The following SCN11A variants were observed in gnomAD, a reference collection of about 807,000 sequenced individuals.
SCN11A encodes the protein sodium channel protein type 11 subunit alpha.
In SCN11A, 122 loss-of-function variants were observed where a neutral mutation model predicts 162.2. The ratio of observed to expected loss-of-function variants is 0.75; its 90% confidence interval spans 0.65 to 0.87. SCN11A has a LOEUF of 0.87. Ranked by LOEUF, SCN11A falls within the 40% of genes least tolerant of loss-of-function variation. The probability of loss-of-function intolerance (pLI) is 0.00; values close to 1 mark genes in which losing one functional copy is unlikely to be tolerated. For synonymous variants in SCN11A, 758 were observed against 751.5 expected (o/e 1.01, Z -0.14); for missense variants, 2,015 against 2,181.6 (o/e 0.92, Z 1.52).
At chr3:38,909,288 T>G (rs1456010032) in intron 12 of SCN11A, 94 bp from the exon 13 acceptor site, 3 of 1,163,406 alleles carry the variant, frequency 2.6e-6, no homozygotes, top group Non-Finnish European at 3.8e-6. Context: ...AGCAGACAAC[T>G]GGTCTTCCCC....
intron 1 of SCN11A, among the ~76,000 whole-genome samples, chr3:39,050,305 C>T (rs893093930): frequency 3.9e-5 from 6 of 152,206 alleles, no homozygotes; most frequent in African/African-American, 1.4e-4. Flanking sequence ...TCCTGTCTTA[C>T]AATCATCTTT....
intron 11 of SCN11A, among the ~76,000 whole-genome samples, chr3:38,914,874 G>A (rs887115470): frequency 1.2e-4 from 18 of 152,146 alleles, no homozygotes; most frequent in African/African-American, 4.1e-4. Context: ...GCTGGATTAG[G>A]TTTGCAAGTA....
At chr3:39,023,102 T>C (rs2031495560) in intron 2 of SCN11A, among the ~76,000 whole-genome samples, 1 of 152,214 alleles carries the variant, frequency 6.6e-6, no homozygotes, top group Admixed American at 6.5e-5. Flanking sequence ...TTAGAGATAC[T>C]GACTGGAAGA....
chr3:38,919,946 C>A lies in SCN11A; in HGVS notation c.948G>T (p.Trp316Cys). 2 of 1,612,996 alleles carry A rather than the reference C, an allele frequency of 1.2e-6. No individual in the cohort carries two copies. The highest frequency in any genetic ancestry group is 8.5e-7 in the Non-Finnish European group (1 of 1,179,126). Residue 316 changes from tryptophan (W) to cysteine (C), a missense_variant, in exon 11 of 30, where the codon TGG (tryptophan) becomes TGT (cysteine). Physicochemically the swap from Trp to Cys is radical, Grantham distance 215 (BLOSUM62 -2). Coordinates refer to ENST00000302328, the MANE Select transcript of SCN11A (RefSeq NM_001349253.2). ...NSPEFKMCGI[W>C]MGNSACSIQY... The stretch of plus-strand genomic sequence containing the variant: ...TATAAACCTCTTACCTGTTACCCAT[C>A]CAGATGCCACACATTTTGAATTCAG...
In SCN11A at chr3:38,850,499, C is replaced by T. The variant is rs149699837; in HGVS notation, c.4309G>A (p.Val1437Met). ...TACTTACTAACAATGGAAAGAAGCA[C>T]GACCACACAGTCAAATAAATTCCAG... ...NGWNLFDCVVVLLSIVSTMIS... is the reference protein window; with the variant it reads ...NGWNLFDCVVMLLSIVSTMIS... Residue 1437 changes from valine (V) to methionine (M), a missense_variant, in exon 29 of 30, where the codon GTG becomes ATG. Coordinates refer to ENST00000302328, the MANE Select transcript of SCN11A (RefSeq NM_001349253.2). 178 of 1,613,224 alleles carry T rather than the reference C, an allele frequency of 1.1e-4. No homozygotes were observed. The highest frequency in any genetic ancestry group is 2.8e-4 in the Admixed American group (17 of 59,942).
rs556962138 is a variant in SCN11A at position 38,944,685 on chromosome 3, G to A, written c.488+726C>T. On this transcript the variant is annotated intron_variant, in intron 7 of 29. Coordinates refer to ENST00000302328, the MANE Select transcript of SCN11A (RefSeq NM_001349253.2). ...AATAATAATTTAAGAATAGGGCTGC[G>A]TGCAGTGGCTCACGCCTGTAATCCC... is the stretch of plus-strand genomic sequence containing the variant. 5.3e-4 allele frequency among the ~76,000 whole-genome samples: 80 copies of A among 151,972 alleles called. 3 individuals carry two copies. The South Asian group carries it at 0.015, about 28-fold the overall frequency.
At chr3:38,907,310 ATGTGTGTGTG>A (rs141158768) in intron 14 of SCN11A, among the ~76,000 whole-genome samples, 22,245 of 118,860 alleles carry the variant, frequency 0.19, 2,240 homozygotes, top group East Asian at 0.3. Flanking sequence ...ACCAACATAT[ATGTGTGTGTG>A]TGTGTGTGTG....
intron 3 of SCN11A, among the ~76,000 whole-genome samples, chr3:38,958,082 C>T (rs900806750): frequency 6.6e-6 from 1 of 152,178 alleles, no homozygotes; most frequent in Non-Finnish European, 1.5e-5. Context: ...TTTATGAATT[C>T]GCCTGTAGTT....
At chr3:38,932,716 G>C (rs1336163892) in intron 7 of SCN11A, among the ~76,000 whole-genome samples, 4 of 152,208 alleles carry the variant, frequency 2.6e-5, no homozygotes, top group African/African-American at 4.8e-5. Context: ...CAAAGCAGCC[G>C]AGAAGCTCCA....
chr3:38,998,842 G>A (rs867694151), intron 2 of SCN11A, among the ~76,000 whole-genome samples: 20 of 147,904 alleles, frequency 1.4e-4, no homozygotes, highest in Non-Finnish European at 8.9e-5. Flanking sequence ...TCACTCATAG[G>A]TGGGAATTGA....
At chr3:39,036,872 T>C (rs1475782842) in intron 1 of SCN11A, among the ~76,000 whole-genome samples, 1 of 152,118 alleles carries the variant, frequency 6.6e-6, no homozygotes, top group East Asian at 1.9e-4. Flanking sequence ...ATACTGTTAG[T>C]GGGAATGTAA....
intron 2 of SCN11A, among the ~76,000 whole-genome samples, chr3:39,029,970 TTTG>T (rs935783256): frequency 6.6e-6 from 1 of 152,196 alleles, no homozygotes; most frequent in Non-Finnish European, 1.5e-5. Flanking sequence ...TAGAGTATAT[TTTG>T]TTTTTAGTGT....
At chr3:38,962,079 A>G (rs1189347326) in intron 2 of SCN11A, among the ~76,000 whole-genome samples, 2 of 152,192 alleles carry the variant, frequency 1.3e-5, no homozygotes, top group African/African-American at 2.4e-5. Context: ...TCACTCTTCT[A>G]TATGTGGCTT....
At chr3:39,047,553 T>C (rs2032214308) in intron 1 of SCN11A, among the ~76,000 whole-genome samples, 1 of 151,986 alleles carries the variant, frequency 6.6e-6, no homozygotes. Flanking sequence ...AAAAAGCTTC[T>C]GCACAGAAAA....
chr3:38,910,956 T>A (rs536689713), intron 11 of SCN11A, among the ~76,000 whole-genome samples: 1 of 152,202 alleles, frequency 6.6e-6, no homozygotes, highest in Non-Finnish European at 1.5e-5. Flanking sequence ...TACATGCACA[T>A]GGCTTAAAAA....
chr3:38,863,317 G>C lies in SCN11A; in HGVS notation c.3952-18C>G, dbSNP rs1025942748. ...CCACCTAAGTATATGGAGAAGATAA[G>C]AGCTAATTACCTTTAACAGTTTTTT... On this transcript the variant is annotated intron_variant, in intron 27 of 29. Transcript: ENST00000302328. 7.8e-7 allele frequency: 1 copy of C among 1,290,072 alleles called. No individual in the cohort carries two copies. Among genetic ancestry groups the C allele is most frequent in the African/African-American group, 1.5e-5 (1 of 67,824 alleles). 79.9% of individuals were successfully genotyped at this position (1,290,072 alleles called of 1,614,324 possible).
intron 7 of SCN11A, among the ~76,000 whole-genome samples, chr3:38,944,594 G>A (rs1032277488): frequency 6.6e-6 from 1 of 151,644 alleles, no homozygotes; most frequent in Non-Finnish European, 1.5e-5. Flanking sequence ...CCAAAGTGCT[G>A]GCATTACAGG....
In SCN11A at chr3:38,996,019, G is replaced by GCT. The variant is rs1227417060; in HGVS notation, c.-279-35598_-279-35597dup. On this transcript the variant is annotated intron_variant, in intron 2 of 29. Coordinates refer to ENST00000302328, the MANE Select transcript of SCN11A (RefSeq NM_001349253.2). ...AAGAGACACCAGAGCATGAGCGCGC[G>GCT]CTCTCTCTCTTTCTGTCTACTATGT... Among the ~76,000 whole-genome samples, 3 of 152,042 alleles carry GCT rather than the reference G, an allele frequency of 2.0e-5. No homozygotes were observed. The East Asian group carries it at 5.8e-4, about 29-fold the overall frequency.
intron 7 of SCN11A, among the ~76,000 whole-genome samples, chr3:38,936,266 T>G (rs1218185987): frequency 6.6e-6 from 1 of 151,964 alleles, no homozygotes; most frequent in Non-Finnish European, 1.5e-5. Flanking sequence ...CAATATCATA[T>G]TGAATGGGCA....
Sources: gnomAD v4.1 joint callset for allele counts (sites outside exome capture counted in the v4.1 genomes callset) on GRCh38, gnomAD v4.1.1 for gene constraint, MANE v1.5 for transcripts, NCBI Gene and HGNC (gene_info 2026-07-23, HGNC 2026-07-21) for gene names.